Variants in GRK1 observed in about 807,000 individuals in gnomAD.
GRK1 encodes the protein G protein-coupled receptor kinase 1.
In GRK1, 28 loss-of-function variants were observed where a neutral mutation model predicts 41.7. The ratio of observed to expected loss-of-function variants is 0.67; its 90% CI spans 0.50 to 0.92. GRK1 has a LOEUF of 0.92. Among genes scored for constraint, GRK1 ranks in the 40% least tolerant of loss-of-function variants. The pLI is 0.00. For missense variants in GRK1, 703 were observed against 671.2 expected (o/e 1.05, Z -0.52); for synonymous variants, 327 against 286.7 (o/e 1.14, Z -1.42).
chr13:113,654,384 CT>C, the GRK1 span, among the ~76,000 whole-genome samples: 6 of 152,322 alleles, frequency 3.9e-5, no homozygotes, highest in East Asian at 1.2e-3. Flanking sequence ...GACCAGCGGG[CT>C]CTTTTCTGCT....
chr13:113,649,579 GAAGTT>G, the GRK1 span: 1 of 1,449,312 alleles, frequency 6.9e-7, no homozygotes, highest in Non-Finnish European at 9.1e-7. The surrounding 1 kb of genome is among the most constrained non-coding windows in gnomAD (Gnocchi z 4.7). Flanking sequence ...AAAAATCTCT[GAAGTT>G]AAGGAGAGAA....
chr13:113,653,234 CA>C, the GRK1 span: 2 of 1,359,472 alleles, frequency 1.5e-6, no homozygotes, highest in Non-Finnish European at 1.0e-6. Context: ...ACACCTCACC[CA>C]CCCGCCGCTT....
At chr13:113,658,017 C>G in the GRK1 span, 1 of 1,583,088 alleles carries the variant, frequency 6.3e-7, no homozygotes, top group Non-Finnish European at 8.6e-7. Context: ...CCAGCCGGCC[C>G]GCCCCCCGCA....
the GRK1 span, among the ~76,000 whole-genome samples, chr13:113,648,241 A>T: frequency 6.6e-6 from 1 of 152,236 alleles, no homozygotes; most frequent in African/African-American, 2.4e-5. Context: ...AGCGTCTTCC[A>T]TCGGTAAATT....
chr13:113,662,274 CA>C (rs1186178786), upstream of GRK1, among the ~76,000 whole-genome samples: 2 of 152,168 alleles, frequency 1.3e-5, no homozygotes, highest in African/African-American at 4.8e-5. Context: ...TTCCATGTGA[CA>C]AAAGCTCTCA....
rs1425432410 is a variant in GRK1 at position 113,669,720 on chromosome 13, G to C, written c.733G>C (p.Val245Leu). 1 of 1,614,028 alleles carries C rather than the reference G, an allele frequency of 6.2e-7. No homozygotes were observed. Among genetic ancestry groups the C allele is most frequent in the Non-Finnish European group, 8.5e-7 (1 of 1,179,876 alleles). Residue 245 changes from valine (V) to leucine (L), a missense_variant, in exon 2 of 7, where the codon GTA (valine) becomes CTA (leucine). Physicochemically the swap from Val to Leu is conservative, Grantham distance 32 (BLOSUM62 1). Transcript: ENST00000335678. Reference protein sequence around the residue: ...AMVEKKILMKVHSRFIVSLAY... With the variant: ...AMVEKKILMKLHSRFIVSLAY... ...GGTGGAGAAGAAGATTCTGATGAAA[G>C]TACACAGCAGGTTCATCGTGTCTCT...
chr13:113,652,484 C>T, the GRK1 span, among the ~76,000 whole-genome samples: 1 of 152,214 alleles, frequency 6.6e-6, no homozygotes, highest in South Asian at 2.1e-4. Flanking sequence ...CCCTAAGGGG[C>T]CCCTGGTCCC....
the GRK1 span, among the ~76,000 whole-genome samples, chr13:113,656,101 T>C: frequency 6.6e-6 from 1 of 152,170 alleles, no homozygotes; most frequent in African/African-American, 2.4e-5. Context: ...CAGCCTCCGG[T>C]TTTGAGTTTC....
chr13:113,658,141 C>G, the GRK1 span: 2 of 1,611,852 alleles, frequency 1.2e-6, no homozygotes, highest in Non-Finnish European at 1.7e-6. Context: ...TGCAGAGCCG[C>G]CATCGTCCCT....
chr13:113,653,307 G>A, the GRK1 span: 60 of 1,594,104 alleles, frequency 3.8e-5, no homozygotes, highest in South Asian at 2.1e-4. Flanking sequence ...CTCACCTGCC[G>A]TTTCACACCT....
At chr13:113,728,121 C>T (rs1417330763) in intron 4 of GRK1, among the ~76,000 whole-genome samples, 7 of 81,716 alleles carry the variant, frequency 8.6e-5, no homozygotes, top group South Asian at 8.7e-4. Context: ...GTACCCATGG[C>T]GATGAGGAGT....
intron 6 of GRK1, chr13:113,734,860 T>C (rs1476861042): frequency 9.0e-6 from 4 of 443,144 alleles, no homozygotes; most frequent in Non-Finnish European, 1.6e-5. Flanking sequence ...CCGGCCCCAC[T>C]CAAGCCCCAG....
rs1199278619 is a variant in GRK1, at chr13:113,735,397, C to G, written c.*34C>G. The G allele has an allele frequency of 6.9e-7, 1 of 1,448,878 alleles. No individual in the cohort carries two copies. Among genetic ancestry groups the G allele is most frequent in the African/African-American group, 1.4e-5 (1 of 70,240 alleles). The allele number at this position is 1,448,878 out of a possible 1,614,324, so 89.8% of individuals were successfully genotyped here. A position where few individuals can be genotyped will look rare whatever the true frequency, so the allele number is the denominator to read the frequency against. On this transcript the variant is annotated 3_prime_UTR_variant, in exon 7 of 7. Coordinates refer to ENST00000335678, the MANE Select transcript of GRK1 (RefSeq NM_002929.3). Reference sequence around the variant, plus strand: ...CCAGAGTCCACGTGGAGGAAAAGGACCCATACGGCTCGATGGGGGCCGCCT... The same window carrying G: ...CCAGAGTCCACGTGGAGGAAAAGGAGCCATACGGCTCGATGGGGGCCGCCT...
At chr13:113,724,230 C>T (rs144939661) in intron 4 of GRK1, among the ~76,000 whole-genome samples, 2,503 of 152,298 alleles carry the variant, frequency 0.016, 74 homozygotes, top group African/African-American at 0.053. Flanking sequence ...TGCTAGCACT[C>T]GGTGCACAGG....
At chr13:113,653,456 C>T in the GRK1 span, 9 of 1,596,706 alleles carry the variant, frequency 5.6e-6, no homozygotes, top group African/African-American at 1.2e-4. Flanking sequence ...GACCTTTGTG[C>T]TTAGCGTCTC....
chr13:113,730,335 G>A (rs570599806), intron 4 of GRK1, among the ~76,000 whole-genome samples: 8 of 128,846 alleles, frequency 6.2e-5, no homozygotes, highest in South Asian at 2.9e-4. Context: ...CCCAGTCCCC[G>A]CAGCTGAGCC....
rs568262669 is a variant in GRK1, at chr13:113,669,672, C to T, written c.700-15C>T. The T allele has an allele frequency of 1.1e-4, 183 of 1,613,754 alleles. 6 individuals are homozygous for T. The South Asian group carries it at 1.5e-3, about 13-fold the overall frequency. ...CTATTCAAAGCCAGTGCGTACTCAG[C>T]GTCTCACTTTTCAGGGTGCTATGGT... On this transcript the variant is annotated splice_polypyrimidine_tract_variant and intron_variant, in intron 1 of 6. Transcript: ENST00000335678.
chr13:113,733,889 G>GCGCGTGTGTGCATA (rs2049972999), intron 6 of GRK1, among the ~76,000 whole-genome samples: 1 of 97,968 alleles, frequency 1.0e-5, no homozygotes, highest in African/African-American at 4.8e-5. Flanking sequence ...ATACGTGTGT[G>GCGCGTGTGTGCATA]CGTGTGTGTA....
At chr13:113,661,099 G>A in the GRK1 span, among the ~76,000 whole-genome samples, 5 of 152,018 alleles carry the variant, frequency 3.3e-5, no homozygotes, top group African/African-American at 1.2e-4. Flanking sequence ...CTGTATCTTG[G>A]GCCATAAAGG....
Sources: allele counts gnomAD v4.1 joint callset (sites outside exome capture counted in the v4.1 genomes callset), GRCh38; gene constraint gnomAD v4.1.1; non-coding constraint Gnocchi (gnomAD v3.1); transcripts MANE v1.5; gene names NCBI Gene and HGNC (gene_info 2026-07-23, HGNC 2026-07-21).